Variants in SALL3 observed in about 807,000 individuals in gnomAD.
SALL3 encodes spalt like transcription factor 3.
SALL3 carries 25 observed loss-of-function variants against 66.2 expected under a neutral mutation model. The observed-to-expected ratio is 0.38, with a 90% CI of 0.28 to 0.53. The LOEUF (loss-of-function observed/expected upper bound fraction) is 0.53, where lower values mean the gene tolerates loss of function less well. Ranked by LOEUF, SALL3 falls within the 20% of genes least tolerant of loss-of-function variation. SALL3 has a pLI of 0.85. For synonymous variants in SALL3, 1,152 were observed against 899.1 expected, an observed-to-expected ratio of 1.28 and a Z score of -5.03; for missense variants, 2,194 against 1,916.5, an observed-to-expected ratio of 1.14 and a Z score of -2.70.
chr18:78,988,602 A>AT (rs1914323235), intron 1 of SALL3, among the ~76,000 whole-genome samples: 1 of 152,222 alleles, frequency 6.6e-6, no homozygotes, highest in African/African-American at 2.4e-5. Flanking sequence ...TTTCAATTCC[A>AT]TATGTGATTG....
In SALL3 at chr18:78,994,477, G is replaced by GGCCCCCCCCCCC; in HGVS notation, c.2486_2487insGCCCCCCCCCCC (p.Cys829delinsTrpProProProPro). 1.2e-6 allele frequency: 2 copies of GGCCCCCCCCCCC among 1,603,300 alleles called. No homozygotes were observed. Among genetic ancestry groups the GGCCCCCCCCCCC allele is most frequent in the Non-Finnish European group, 1.7e-6 (2 of 1,173,468 alleles). Reference sequence around the variant, plus strand: ...CCACTCCTGTCCTACGCGGGGTCCTGCCCGCCCTCCCCGCCCTCGGTCATC... The same window carrying GGCCCCCCCCCCC: ...CCACTCCTGTCCTACGCGGGGTCCTGGCCCCCCCCCCCCCCGCCCTCCCCGCCCTCGGTCATC... On this transcript the variant is annotated protein_altering_variant, in exon 2 of 3. Transcript: ENST00000537592.
At chr18:78,985,955 G>A (rs960508835) in intron 1 of SALL3, among the ~76,000 whole-genome samples, 3 of 152,166 alleles carry the variant, frequency 2.0e-5, no homozygotes, top group African/African-American at 4.8e-5. Flanking sequence ...GATTGAAATT[G>A]TTTGCATCAG....
chr18:78,980,970 C>A (rs1327038348), intron 1 of SALL3, among the ~76,000 whole-genome samples: 1 of 152,232 alleles, frequency 6.6e-6, no homozygotes, highest in East Asian at 1.9e-4. Context: ...AGCGCAGCGG[C>A]GGCGGCCTGG....
rs1914469009 is a variant in SALL3 at position 78,992,339 on chromosome 18, T to C, written c.348T>C (p.Gly116=). Reference sequence around the variant, plus strand: ...AAAGCGAGGCGGCCGAGGAGGCGGGTGCGGAGGGCGCGGAGGGCGAGGCCA... The same window carrying C: ...AAAGCGAGGCGGCCGAGGAGGCGGGCGCGGAGGGCGCGGAGGGCGAGGCCA... ...RAESEAAEEA[G]AEGAEGEARP... is the part of the protein sequence containing the mutation. The change falls in exon 2 of 3, where the codon GGT becomes GGC. Residue 116 remains glycine (G), a synonymous_variant. Coordinates refer to ENST00000537592, the MANE Select transcript of SALL3 (RefSeq NM_171999.4). The C allele has an allele frequency of 2.8e-6, 4 of 1,407,060 alleles. No homozygotes were observed. The highest frequency in any genetic ancestry group is 2.8e-6 in the Non-Finnish European group (3 of 1,089,268). The allele number at this position is 1,407,060 out of a possible 1,614,324, so 87.2% of individuals were successfully genotyped here. A position where few individuals can be genotyped will look rare whatever the true frequency, so the allele number is the denominator to read the frequency against.
In SALL3 at chr18:78,995,082, G is replaced by A. The variant is rs542744328; in HGVS notation, c.3091G>A (p.Glu1031Lys). The change falls in exon 2 of 3, where the codon GAG becomes AAG. Residue 1031 changes from glutamate (E) to lysine (K), a missense_variant. By Grantham distance (56) the Glu-to-Lys change is moderately conservative. Transcript: ENST00000537592. ...KQHLLTHRLK[E>K]LPSQLFDPNF... ...GCACTTACTGACACACAGATTGAAA[G>A]AGCTGCCTTCTCAGTTATTTGACCC... 16 of 1,613,786 alleles carry A rather than the reference G, an allele frequency of 9.9e-6. No individual in the cohort carries two copies. The highest frequency in any genetic ancestry group is 1.4e-5 in the Non-Finnish European group (16 of 1,180,042).
In SALL3 at chr18:78,985,913, A is replaced by G. The variant is rs150874349; in HGVS notation, c.82+5557A>G. Among the ~76,000 whole-genome samples, 251 of 152,374 alleles carry G rather than the reference A, an allele frequency of 1.6e-3. 3 individuals carry two copies. The highest frequency in any genetic ancestry group is 5.6e-3 in the African/African-American group (233 of 41,588). On this transcript the variant is annotated intron_variant, in intron 1 of 2. Coordinates refer to ENST00000537592, the MANE Select transcript of SALL3 (RefSeq NM_171999.4). Reference sequence around the variant, plus strand: ...GCATCTTCACCAAAAGTGATTTAGCAAAACCTTGTTTTCACCCCCTCATCA... The same window carrying G: ...GCATCTTCACCAAAAGTGATTTAGCGAAACCTTGTTTTCACCCCCTCATCA...
chr18:78,984,258 G>A (rs144193540), intron 1 of SALL3, among the ~76,000 whole-genome samples: 2 of 152,160 alleles, frequency 1.3e-5, no homozygotes, highest in Admixed American at 6.5e-5. Context: ...AGCACAACCA[G>A]GGTTTCTATT....
At position 78,979,945 on chromosome 18, in the gene SALL3, C is replaced by T. The variant is rs1477775942; in HGVS notation, c.-330C>T. ...CCGGGGCGGCCGAGGAGCGCGGCGCCGGAGCCCGCGATGTGAGGCGGCGCC... is the reference window on the plus strand; with the variant it reads ...CCGGGGCGGCCGAGGAGCGCGGCGCTGGAGCCCGCGATGTGAGGCGGCGCC... On this transcript the variant is annotated 5_prime_UTR_variant, in exon 1 of 3. Transcript: ENST00000537592. Among the ~76,000 whole-genome samples the T allele has an allele frequency of 6.9e-6, 1 of 144,576 alleles. No homozygotes were observed. Among genetic ancestry groups the T allele is most frequent in the African/African-American group, 2.5e-5 (1 of 40,428 alleles). 94.8% of individuals were successfully genotyped at this position (144,576 alleles called of 152,430 possible). A position where few individuals can be genotyped will look rare whatever the true frequency, so the allele number is the denominator to read the frequency against.
At chr18:78,980,921 C>T (rs1026173982) in intron 1 of SALL3, among the ~76,000 whole-genome samples, 1 of 152,326 alleles carries the variant, frequency 6.6e-6, no homozygotes, top group East Asian at 1.9e-4. Context: ...GGGGGCTTGG[C>T]TCTGCCTAAT....
chr18:78,997,464 T>A lies in SALL3; in HGVS notation c.*142T>A, dbSNP rs1217091229. Reference sequence around the variant, plus strand: ...GTGCGGCTGCCGAGAGGTGGTCTTGTAAGCGCTGCATGGCGCTCCCTTCAA... The same window carrying A: ...GTGCGGCTGCCGAGAGGTGGTCTTGAAAGCGCTGCATGGCGCTCCCTTCAA... On this transcript the variant is annotated 3_prime_UTR_variant, in exon 3 of 3. Transcript: ENST00000537592. The A allele has an allele frequency of 2.6e-6, 2 of 779,114 alleles. No homozygotes were observed. The highest frequency in any genetic ancestry group is 2.6e-5 in the East Asian group (1 of 37,824). The allele number at this position is 779,114 out of a possible 1,614,324, so 48.3% of individuals were successfully genotyped here.
At chr18:78,988,314 T>C (rs1914313224) in intron 1 of SALL3, among the ~76,000 whole-genome samples, 1 of 152,236 alleles carries the variant, frequency 6.6e-6, no homozygotes, top group Non-Finnish European at 1.5e-5. Flanking sequence ...TAGACAGCAC[T>C]TAAACGTAAG....
intron 2 of SALL3, 112 bp from the exon 3 acceptor site, chr18:78,996,779 C>G (rs1411638640): frequency 2.8e-6 from 3 of 1,073,292 alleles, no homozygotes; most frequent in Non-Finnish European, 4.0e-6. Flanking sequence ...TTTTGTTGTC[C>G]GTAAGTCGCG....
At chr18:78,987,763 C>T (rs1402569269) in intron 1 of SALL3, among the ~76,000 whole-genome samples, 1 of 152,142 alleles carries the variant, frequency 6.6e-6, no homozygotes, top group East Asian at 1.9e-4. Flanking sequence ...GCCAGATACT[C>T]TCATTCACCA....
chr18:78,984,743 T>C (rs780948104), intron 1 of SALL3, among the ~76,000 whole-genome samples: 4 of 152,246 alleles, frequency 2.6e-5, no homozygotes, highest in Non-Finnish European at 4.4e-5. Context: ...AAGTATAAAA[T>C]ATTAATTGTA....
intron 1 of SALL3, among the ~76,000 whole-genome samples, chr18:78,989,306 TG>T (rs1237147963): frequency 3.9e-5 from 6 of 152,070 alleles, no homozygotes; most frequent in African/African-American, 1.4e-4. Context: ...AAAAAACTAA[TG>T]GGAATGTAAA....
intron 1 of SALL3, among the ~76,000 whole-genome samples, chr18:78,983,455 T>C (rs1335684013): frequency 1.3e-5 from 2 of 152,244 alleles, no homozygotes; most frequent in African/African-American, 2.4e-5. Flanking sequence ...AAAAGGGTAT[T>C]ATAATTTAAA....
chr18:78,994,715 C>T lies in SALL3; in HGVS notation c.2724C>T (p.Ala908=), dbSNP rs996086120. The T allele has an allele frequency of 2.5e-6, 4 of 1,604,308 alleles. No homozygotes were observed. The African/African-American group carries it at 4.0e-5, about 16-fold the overall frequency. Reference sequence around the variant, plus strand: ...CGTCCTCGCAGGCCCTGTCGCCGGCCCCCAGCAATGGTGAGAGCTTCCGCT... The same window carrying T: ...CGTCCTCGCAGGCCCTGTCGCCGGCTCCCAGCAATGGTGAGAGCTTCCGCT... ...ESSSSQALSP[A]PSNGESFRSK... is the part of the protein sequence containing the mutation. The change falls in exon 2 of 3, where the codon GCC becomes GCT. Residue 908 remains alanine (A), a synonymous_variant. Transcript: ENST00000537592.
rs754618717 is a variant in SALL3 at position 78,980,252 on chromosome 18, G to A, written c.-23G>A. ...CCCCGCTGATGCCGCTGCCCCGCGC[G>A]GGGCCCGAGCGCCGCTAGCAGCATG... On this transcript the variant is annotated 5_prime_UTR_variant, in exon 1 of 3. Coordinates refer to ENST00000537592, the MANE Select transcript of SALL3 (RefSeq NM_171999.4). 3.3e-6 allele frequency: 4 copies of A among 1,215,070 alleles called. No homozygotes were observed. Among genetic ancestry groups the A allele is most frequent in the South Asian group, 1.9e-5 (1 of 52,626 alleles). The allele number at this position is 1,215,070 out of a possible 1,614,324, so 75.3% of individuals were successfully genotyped here. A position where few individuals can be genotyped will look rare whatever the true frequency, so the allele number is the denominator to read the frequency against.
chr18:78,994,121 G>T lies in SALL3; in HGVS notation c.2130G>T (p.Lys710Asn). 3 of 1,612,964 alleles carry T rather than the reference G, an allele frequency of 1.9e-6. No individual in the cohort carries two copies. The highest frequency in any genetic ancestry group is 2.5e-6 in the Non-Finnish European group (3 of 1,179,986). Residue 710 changes from lysine (K) to asparagine (N), a missense_variant, in exon 2 of 3, where the codon AAG (lysine) becomes AAT (asparagine). Transcript: ENST00000537592. ...CGGGGGAGCGGCCGTTCAAGTGCAA[G>T]ATCTGCGGCCGCGCCTTCACCACCA... ...THTGERPFKCKICGRAFTTKG... is the reference protein window; with the variant it reads ...THTGERPFKCNICGRAFTTKG...
Sources: gnomAD v4.1 joint callset for allele counts (sites outside exome capture counted in the v4.1 genomes callset) on GRCh38, gnomAD v4.1.1 for gene constraint, MANE v1.5 for transcripts, NCBI Gene and HGNC (gene_info 2026-07-23, HGNC 2026-07-21) for gene names.